RBL1: variants seen among roughly 807,000 people sequenced by gnomAD.
RBL1 encodes RB transcriptional corepressor like 1.
RBL1 carries 82 observed loss-of-function variants against 123.0 expected under a neutral mutation model. The ratio of observed to expected loss-of-function variants is 0.67; its 90% confidence interval spans 0.56 to 0.80. The LOEUF (loss-of-function observed/expected upper bound fraction) is 0.80. Among genes scored for constraint, RBL1 ranks in the 30% least tolerant of loss-of-function variants. The probability of loss-of-function intolerance (pLI) is 0.00; values close to 1 mark genes in which losing one functional copy is unlikely to be tolerated. For synonymous variants in RBL1, 405 were observed against 441.3 expected (o/e 0.92, Z 1.03); for missense variants, 1,171 against 1,299.6 (o/e 0.90, Z 1.52).
rs569215656 is a variant in RBL1 at position 37,066,177 on chromosome 20, A to G, written c.846+547T>C. On this transcript the variant is annotated intron_variant, in intron 6 of 21. Coordinates refer to ENST00000373664, the MANE Select transcript of RBL1 (RefSeq NM_002895.5). ...ATGGCTCGACGTTGGGGAAATAAGA[A>G]ATTGAAACCCAAAGGAACAAGCCAA... Among the ~76,000 whole-genome samples, 3 of 152,352 alleles carry G rather than the reference A, an allele frequency of 2.0e-5. 1 individual carries two copies. The highest frequency in any genetic ancestry group is 2.1e-4 in the South Asian group (1 of 4,834).
intron 2 of RBL1, among the ~76,000 whole-genome samples, chr20:37,088,398 C>T (rs1452560677): frequency 2.0e-5 from 3 of 151,964 alleles, no homozygotes; most frequent in Non-Finnish European, 4.4e-5. Context: ...TTGTCCTTTT[C>T]TTATTTTTGT....
In RBL1 at chr20:37,044,262, A is replaced by C. The variant is rs773821899; in HGVS notation, c.1606-12T>G. On this transcript the variant is annotated splice_polypyrimidine_tract_variant and intron_variant, in intron 12 of 21. Transcript: ENST00000373664. ...ACCACCTCAATAACCTGCAGAGGAG[A>C]AAGTGAGAAGGCAATGTGGTTTCAA... 3.1e-5 allele frequency: 50 copies of C among 1,613,080 alleles called. No homozygotes were observed. Among genetic ancestry groups the C allele is most frequent in the Non-Finnish European group, 4.0e-5 (47 of 1,179,652 alleles).
intron 2 of RBL1, among the ~76,000 whole-genome samples, chr20:37,070,798 A>AT (rs35621127): frequency 1.3e-5 from 2 of 152,050 alleles, no homozygotes; most frequent in African/African-American, 4.8e-5. Flanking sequence ...TTCTGGGTAC[A>AT]TTTTTTTATG....
In RBL1 at chr20:37,024,103, T is replaced by A. The variant is rs143915977; in HGVS notation, c.2383-1277A>T. On this transcript the variant is annotated intron_variant, in intron 16 of 21. Transcript: ENST00000373664. ...CCTGGCCCAAACTATGTCTTTAAAT[T>A]TCCAGATGGAAAAAAAAAGTTACCC... is the stretch of plus-strand genomic sequence containing the variant. 2.1e-3 allele frequency among the ~76,000 whole-genome samples: 327 copies of A among 152,154 alleles called. 2 individuals are homozygous for A. The highest frequency in any genetic ancestry group is 7.4e-3 in the African/African-American group (306 of 41,518).
chr20:37,057,927 AC>A (rs2065034114), intron 9 of RBL1, among the ~76,000 whole-genome samples: 1 of 151,920 alleles, frequency 6.6e-6, no homozygotes, highest in Admixed American at 6.6e-5. Flanking sequence ...GGAGTTCGAG[AC>A]CAGCCTGACC....
chr20:37,076,943 T>C (rs1451889968), intron 2 of RBL1, among the ~76,000 whole-genome samples: 1 of 151,790 alleles, frequency 6.6e-6, no homozygotes, highest in Admixed American at 6.6e-5. Flanking sequence ...ATCATTTTTT[T>C]TTTTTTTTTT....
At position 37,067,131 on chromosome 20, in the gene RBL1, GGA is replaced by G; in HGVS notation, c.557-12_557-11del. The stretch of plus-strand genomic sequence containing the variant: ...ATCATCCGAAAATTACCTTTATAAG[GGA>G]AAAAAAAAAAAAAAAGACACAAAAA... On this transcript the variant is annotated splice_polypyrimidine_tract_variant and intron_variant, in intron 4 of 21. Coordinates refer to ENST00000373664, the MANE Select transcript of RBL1 (RefSeq NM_002895.5). 3 of 1,537,548 alleles carry G rather than the reference GGA, an allele frequency of 2.0e-6. No individual in the cohort carries two copies. Among genetic ancestry groups the G allele is most frequent in the South Asian group, 2.5e-5 (2 of 79,744 alleles).
In RBL1 at chr20:37,019,438, C is replaced by T. The variant is rs76665686; in HGVS notation, c.2632-1069G>A. Among the ~76,000 whole-genome samples, 1,243 of 152,248 alleles carry T rather than the reference C, an allele frequency of 8.2e-3. 16 individuals carry two copies. The highest frequency in any genetic ancestry group is 0.029 in the African/African-American group (1,189 of 41,536). The stretch of plus-strand genomic sequence containing the variant: ...TGGCCCATTCTTGACTCACACTAAC[C>T]TCACCTTAATGATCTTCAAGGACAA... On this transcript the variant is annotated intron_variant, in intron 18 of 21. Transcript: ENST00000373664.
intron 2 of RBL1, among the ~76,000 whole-genome samples, chr20:37,077,075 T>C (rs2065375977): frequency 6.6e-6 from 1 of 152,066 alleles, no homozygotes; most frequent in African/African-American, 2.4e-5. Context: ...TAGCTGGGAC[T>C]ACAGGCGCCT....
chr20:37,072,743 C>T (rs1312510051), intron 2 of RBL1, among the ~76,000 whole-genome samples: 1 of 152,090 alleles, frequency 6.6e-6, no homozygotes, highest in African/African-American at 2.4e-5. Context: ...GGATCAATCT[C>T]CTGGGGCAAA....
chr20:37,049,136 G>C (rs2064861754), intron 11 of RBL1: 1 of 223,252 alleles, frequency 4.5e-6, no homozygotes, highest in South Asian at 7.6e-5. Context: ...CCGGGAGATG[G>C]AGGTGCAGTG....
At chr20:37,012,020 G>A (rs537821184) in intron 19 of RBL1, among the ~76,000 whole-genome samples, 6 of 152,308 alleles carry the variant, frequency 3.9e-5, no homozygotes, top group Admixed American at 6.5e-5. Context: ...GCGCTGTCAC[G>A]CCTGACTGGT....
chr20:36,998,987 A>C (rs2063920863), intron 21 of RBL1, 58 bp from the exon 22 acceptor site: 22 of 1,499,518 alleles, frequency 1.5e-5, no homozygotes, highest in Non-Finnish European at 2.0e-5. Flanking sequence ...ATGGCAGCAA[A>C]CAACCAAGCT....
rs1317703802 is a variant in RBL1, at chr20:37,000,655, C to T, written c.3037-1726G>A. On this transcript the variant is annotated intron_variant, in intron 21 of 21. Transcript: ENST00000373664. The stretch of plus-strand genomic sequence containing the variant: ...CCGGGAGGTGAGGGGCGCCTCTGCC[C>T]GGCCGCCCCTACTGGGAAGAGAGGA... Among the ~76,000 whole-genome samples, 53 of 133,338 alleles carry T rather than the reference C, an allele frequency of 4.0e-4. No individual in the cohort carries two copies. In the East Asian group the frequency reaches 0.01, roughly 25 times the overall value. The allele number at this position is 133,338 out of a possible 152,430, so 87.5% of individuals were successfully genotyped here. A position where few individuals can be genotyped will look rare whatever the true frequency, so the allele number is the denominator to read the frequency against.
chr20:37,005,279 CG>C (rs2064052516), intron 20 of RBL1, among the ~76,000 whole-genome samples: 2 of 151,948 alleles, frequency 1.3e-5, no homozygotes, highest in Middle Eastern at 6.9e-3. Flanking sequence ...TGGTGACAGG[CG>C]CCTGTAATGC....
At chr20:37,052,573 G>A (rs576822250) in intron 11 of RBL1, among the ~76,000 whole-genome samples, 1 of 152,090 alleles carries the variant, frequency 6.6e-6, no homozygotes, top group African/African-American at 2.4e-5. Flanking sequence ...GCAGTGGTGC[G>A]ATCTTGGCTC....
chr20:37,023,712 T>C (rs2064378745), intron 16 of RBL1, among the ~76,000 whole-genome samples: 1 of 152,164 alleles, frequency 6.6e-6, no homozygotes, highest in South Asian at 2.1e-4. Flanking sequence ...GCAAGATTGT[T>C]TTTTTATTTT....
At chr20:37,044,481 G>A (rs953232943) in intron 12 of RBL1, among the ~76,000 whole-genome samples, 3 of 152,074 alleles carry the variant, frequency 2.0e-5, no homozygotes, top group Admixed American at 1.3e-4. Context: ...GGGATTACAG[G>A]CACCTGCCAC....
At chr20:37,004,482 A>G (rs2064037377) in intron 20 of RBL1, among the ~76,000 whole-genome samples, 2 of 146,310 alleles carry the variant, frequency 1.4e-5, no homozygotes, top group East Asian at 2.2e-4. Flanking sequence ...GGAGGCTGAG[A>G]TGGGCGGATC....
Sources: allele counts gnomAD v4.1 joint callset (sites outside exome capture counted in the v4.1 genomes callset), GRCh38; gene constraint gnomAD v4.1.1; transcripts MANE v1.5; gene names NCBI Gene and HGNC (gene_info 2026-07-23, HGNC 2026-07-21).